SGPP2: variants seen among roughly 807,000 people sequenced by gnomAD.
SGPP2 encodes sphingosine-1-phosphate phosphatase 2.
A neutral mutation model predicts 33.9 loss-of-function variants in SGPP2; 30 were observed. That is an observed-to-expected ratio of 0.89 (90% CI 0.66 to 1.20). SGPP2 has a LOEUF of 1.20. SGPP2 is among the 50% of genes most tolerant of loss of function. The pLI is 0.00. For synonymous variants in SGPP2, 233 were observed against 225.0 expected (o/e 1.04, Z -0.32); for missense variants, 458 against 532.1 (o/e 0.86, Z 1.37).
intron 4 of SGPP2, among the ~76,000 whole-genome samples, chr2:222,547,639 C>A (rs946668065): frequency 9.2e-5 from 14 of 151,946 alleles, no homozygotes; most frequent in African/African-American, 2.9e-4. Context: ...ATTATCACAT[C>A]GAGAAACATA....
At chr2:222,480,378 C>T (rs1012984992) in intron 2 of SGPP2, among the ~76,000 whole-genome samples, 1 of 152,122 alleles carries the variant, frequency 6.6e-6, no homozygotes, top group Middle Eastern at 3.2e-3. Context: ...TTTCTTTCCA[C>T]GGATACTTCA....
intron 4 of SGPP2, among the ~76,000 whole-genome samples, chr2:222,545,158 T>C (rs1193945688): frequency 6.6e-6 from 1 of 152,242 alleles, no homozygotes; most frequent in Non-Finnish European, 1.5e-5. Flanking sequence ...CTTTTTCCAC[T>C]GGTACTTGCA....
chr2:222,452,976 A>G, intron 1 of SGPP2: 1 of 1,585,392 alleles, frequency 6.3e-7, no homozygotes, highest in Non-Finnish European at 8.7e-7. Flanking sequence ...TCTATCATTG[A>G]GTACACACAG....
At chr2:222,544,215 A>T (rs561535359) in intron 4 of SGPP2, among the ~76,000 whole-genome samples, 5 of 152,326 alleles carry the variant, frequency 3.3e-5, no homozygotes, top group Admixed American at 2.0e-4. Context: ...AGCTGTTAAA[A>T]GGCTGAACTG....
At chr2:222,552,383 A>ATT (rs986957258) in intron 4 of SGPP2, among the ~76,000 whole-genome samples, 2 of 152,048 alleles carry the variant, frequency 1.3e-5, no homozygotes, top group African/African-American at 4.8e-5. Context: ...TTATTTTTTA[A>ATT]TTTTTTTATT....
At chr2:222,438,281 T>A (rs1697274316) in intron 1 of SGPP2, among the ~76,000 whole-genome samples, 1 of 152,236 alleles carries the variant, frequency 6.6e-6, no homozygotes, top group Admixed American at 6.5e-5. Context: ...TAGTCGGGCT[T>A]ATTTCCCATC....
intron 1 of SGPP2, among the ~76,000 whole-genome samples, chr2:222,450,870 T>C (rs1347040866): frequency 6.6e-6 from 1 of 152,206 alleles, no homozygotes; most frequent in Admixed American, 6.5e-5. Flanking sequence ...GATGAAAGCA[T>C]TTCTTTAGTT....
intron 1 of SGPP2, among the ~76,000 whole-genome samples, chr2:222,462,702 G>T (rs532067861): frequency 0.012 from 1,891 of 152,216 alleles, 49 homozygotes; most frequent in African/African-American, 0.043. Flanking sequence ...GGACCACGAG[G>T]AATGTTCCAG....
At chr2:222,534,082 C>T (rs1334441070) in intron 4 of SGPP2, among the ~76,000 whole-genome samples, 1 of 152,206 alleles carries the variant, frequency 6.6e-6, no homozygotes, top group African/African-American at 2.4e-5. Flanking sequence ...GATATGCTCT[C>T]TGCATCTATA....
At chr2:222,497,914 G>A (rs1246848006) in intron 2 of SGPP2, among the ~76,000 whole-genome samples, 1 of 152,176 alleles carries the variant, frequency 6.6e-6, no homozygotes. Flanking sequence ...TGAGGAGCCA[G>A]CCTCATGAGG....
chr2:222,487,907 C>G (rs1216183348), intron 2 of SGPP2, among the ~76,000 whole-genome samples: 1 of 152,174 alleles, frequency 6.6e-6, no homozygotes, highest in Non-Finnish European at 1.5e-5. Flanking sequence ...TAACTCAACT[C>G]AGGGCCTCAA....
chr2:222,493,621 C>T (rs1485086462), intron 2 of SGPP2, among the ~76,000 whole-genome samples: 2 of 152,188 alleles, frequency 1.3e-5, no homozygotes, highest in Non-Finnish European at 2.9e-5. Context: ...TAGCCATGAG[C>T]CACTGCACTC....
At chr2:222,495,738 A>G (rs1018793849) in intron 2 of SGPP2, among the ~76,000 whole-genome samples, 1 of 152,108 alleles carries the variant, frequency 6.6e-6, no homozygotes, top group Non-Finnish European at 1.5e-5. Context: ...GACTCTCCAA[A>G]TTCCCATTCT....
At chr2:222,486,750 C>G (rs374758145) in intron 2 of SGPP2, among the ~76,000 whole-genome samples, 1 of 152,074 alleles carries the variant, frequency 6.6e-6, no homozygotes, top group East Asian at 1.9e-4. Context: ...AGCCTAGATT[C>G]GAACCAGTAA....
intron 1 of SGPP2, among the ~76,000 whole-genome samples, chr2:222,432,544 G>A (rs1697172274): frequency 6.6e-6 from 1 of 152,238 alleles, no homozygotes; most frequent in Non-Finnish European, 1.5e-5. Context: ...TGCATATTGT[G>A]TAGTGACTAA....
rs750703151 is a variant in SGPP2, at chr2:222,521,893, G to T, written c.505G>T (p.Ala169Ser). 8 of 1,606,680 alleles carry T rather than the reference G, an allele frequency of 5.0e-6. No homozygotes were observed. The South Asian group carries it at 7.8e-5, about 16-fold the overall frequency. The change falls in exon 3 of 5, where the codon GCG (alanine) becomes TCG (serine). Residue 169 changes from alanine (A) to serine (S), a missense_variant. By Grantham distance (99) the Ala-to-Ser change is moderately conservative. Coordinates refer to ENST00000321276, the MANE Select transcript of SGPP2 (RefSeq NM_152386.4). ...TGGAATGCCATCCACCCACGCCATG[G>T]CGGCCACTGCCATTGCCTTCACCCT... is the stretch of plus-strand genomic sequence containing the variant. Reference protein sequence around the residue: ...EYGMPSTHAMAATAIAFTLLI... With the variant: ...EYGMPSTHAMSATAIAFTLLI...
At chr2:222,487,332 C>T (rs954883433) in intron 2 of SGPP2, among the ~76,000 whole-genome samples, 14 of 152,196 alleles carry the variant, frequency 9.2e-5, no homozygotes, top group South Asian at 2.1e-4. Flanking sequence ...GCTTATAGCC[C>T]GCTGGATGTT....
intron 2 of SGPP2, among the ~76,000 whole-genome samples, chr2:222,505,411 G>A (rs1698430135): frequency 6.6e-6 from 1 of 151,992 alleles, no homozygotes; most frequent in African/African-American, 2.4e-5. Flanking sequence ...AAACAACATG[G>A]GTTAAATCAA....
In SGPP2 at chr2:222,424,800, G is replaced by A; in HGVS notation, c.198G>A (p.Leu66=). The A allele has an allele frequency of 7.3e-7, 1 of 1,378,816 alleles. No homozygotes were observed. Among genetic ancestry groups the A allele is most frequent in the South Asian group, 1.6e-5 (1 of 61,054 alleles). 85.4% of individuals were successfully genotyped at this position (1,378,816 alleles called of 1,614,324 possible). A position where few individuals can be genotyped will look rare whatever the true frequency, so the allele number is the denominator to read the frequency against. The change falls in exon 1 of 5, where the codon CTG becomes CTA. Residue 66 remains leucine, a synonymous_variant. Coordinates refer to ENST00000321276, the MANE Select transcript of SGPP2 (RefSeq NM_152386.4). ...GCGGCGAGGCTCCGGCCAACGGGCT[G>A]CGCAGAGCCGCGGCGCCGGAGGTAA... ...GKGGEAPANG[L]RRAAAPEAYV...
Sources: allele counts gnomAD v4.1 joint callset (sites outside exome capture counted in the v4.1 genomes callset), GRCh38; gene constraint gnomAD v4.1.1; transcripts MANE v1.5; gene names NCBI Gene and HGNC (gene_info 2026-07-23, HGNC 2026-07-21).